Variants in COL5A3 observed in about 807,000 individuals in gnomAD.
COL5A3 encodes collagen alpha-3(V) chain.
Under a neutral mutation model 250.0 loss-of-function variants are expected in COL5A3, and 172 were observed. The observed-to-expected ratio is 0.69, with a 90% CI of 0.61 to 0.78. The LOEUF is 0.78. COL5A3 is among the 30% of genes least tolerant of loss of function. The pLI is 0.00. For synonymous variants in COL5A3, 937 were observed against 900.4 expected, an observed-to-expected ratio of 1.04 and a Z score of -0.73; for missense variants, 2,340 against 2,334.4, an observed-to-expected ratio of 1.00 and a Z score of -0.05.
chr19:9,973,437 G>T, intron 50 of COL5A3, 133 bp downstream of exon 50: 3 of 890,374 alleles, frequency 3.4e-6, no homozygotes, highest in Non-Finnish European at 5.2e-6. Flanking sequence ...CTTCCTCAAG[G>T]TAATCAGGGA....
At chr19:9,978,312 C>A (rs888689011) in intron 41 of COL5A3, among the ~76,000 whole-genome samples, 7 of 152,100 alleles carry the variant, frequency 4.6e-5, no homozygotes, top group Non-Finnish European at 7.4e-5. Context: ...CAACCTCCAC[C>A]TCCCAGGTTC....
In COL5A3 at chr19:10,001,811, A is replaced by G. The variant is rs2087367236; in HGVS notation, c.920T>C (p.Val307Ala). 2 of 1,613,974 alleles carry G rather than the reference A, an allele frequency of 1.2e-6. No homozygotes were observed. Among genetic ancestry groups the G allele is most frequent in the Admixed American group, 1.7e-5 (1 of 59,990 alleles). Reference sequence around the variant, plus strand: ...GAGTCCAGTAGTCACAGTGGAGGTGACGACCAAAGGCGTGGGGGTCGGAGG... The same window carrying G: ...GAGTCCAGTAGTCACAGTGGAGGTGGCGACCAAAGGCGTGGGGGTCGGAGG... ...NLPPTPTPLV[V>A]TSTVTTGLNA... Residue 307 changes from valine (V) to alanine (A), a missense_variant, in exon 7 of 67, where the codon GTC (valine) becomes GCC (alanine). Physicochemically the swap from Val to Ala is moderately conservative, Grantham distance 64 (BLOSUM62 0). This residue lies in a region of COL5A3 where 1,152 missense variants were observed against 1,146.3 expected (regional missense o/e 1.00). Transcript: ENST00000264828.
chr19:9,961,559 ATTT>A (rs61153479), intron 65 of COL5A3, among the ~76,000 whole-genome samples: 1 of 126,204 alleles, frequency 7.9e-6, no homozygotes. Context: ...ACTTCATTTA[ATTT>A]TTTTTTTTTT....
chr19:9,998,454 C>T (rs1369697620), intron 8 of COL5A3, among the ~76,000 whole-genome samples: 1 of 152,120 alleles, frequency 6.6e-6, no homozygotes, highest in Non-Finnish European at 1.5e-5. Context: ...TTAGTCAACC[C>T]CTATGGCCAC....
rs529042269 is a variant in COL5A3 at position 9,966,719 on chromosome 19, G to A, written c.4486C>T (p.Arg1496Cys). The change falls in exon 63 of 67, where the codon CGC becomes TGC. Residue 1496 changes from arginine (R) to cysteine (C), a missense_variant. Arg to Cys is a radical substitution (Grantham distance 180). Around this residue, in one of 3 missense-constraint regions of COL5A3, gnomAD observed 1,179 missense variants for 1,162.6 expected, o/e 1.01. Coordinates refer to ENST00000264828, the MANE Select transcript of COL5A3 (RefSeq NM_015719.4). ...PGAPAELHGL[R>C]RRRRFVPVPL... Reference sequence around the variant, plus strand: ...ACTGGGACGAAGCGCCGGCGCCTGCGCAGCCCATGCAGCTCGGCAGGGGCA... The same window carrying A: ...ACTGGGACGAAGCGCCGGCGCCTGCACAGCCCATGCAGCTCGGCAGGGGCA... 15 of 1,536,446 alleles carry A rather than the reference G, an allele frequency of 9.8e-6. 1 individual carries two copies. In the South Asian group the frequency reaches 1.8e-4, roughly 18 times the overall value.
Position 9,968,273 on chromosome 19 carries a change from CCA to C in COL5A3, c.4314+110_4314+111del. The C allele has an allele frequency of 9.5e-7, 1 of 1,050,050 alleles. No individual in the cohort carries two copies. Among genetic ancestry groups the C allele is most frequent in the Non-Finnish European group, 1.4e-6 (1 of 700,552 alleles). The allele number at this position is 1,050,050 out of a possible 1,614,324, so 65.0% of individuals were successfully genotyped here. ...TCCCAGATACATCCCCCTATTTTCCCCACACACACCCTCATTAATCCAGACCC... is the reference window on the plus strand; with the variant it reads ...TCCCAGATACATCCCCCTATTTTCCCCACACACCCTCATTAATCCAGACCC... On this transcript the variant is annotated intron_variant, in intron 59 of 66. Coordinates refer to ENST00000264828, the MANE Select transcript of COL5A3 (RefSeq NM_015719.4). This position sits in a 1 kb window ranked among gnomAD's most constrained non-coding sequence, Gnocchi z 4.1.
rs1455369965 is a variant in COL5A3, at chr19:9,990,528, T to C, written c.1993-1006A>G. 2.6e-5 allele frequency among the ~76,000 whole-genome samples: 4 copies of C among 152,164 alleles called. No individual in the cohort carries two copies. In the East Asian group the frequency reaches 7.7e-4, roughly 29 times the overall value. ...CAAAACATCTCATGTACTCCATAAG[T>C]ATATACCTACTATGTACCCACAAAG... On this transcript the variant is annotated intron_variant, in intron 24 of 66. Coordinates refer to ENST00000264828, the MANE Select transcript of COL5A3 (RefSeq NM_015719.4).
chr19:10,003,538 G>A lies in COL5A3; in HGVS notation c.849+27C>T, dbSNP rs759965746. ...GACCGGAAGTCAGGTGGTCAAAACCGGAAGTGAGAGGTCTCAGGGCCCTTA... is the reference window on the plus strand; with the variant it reads ...GACCGGAAGTCAGGTGGTCAAAACCAGAAGTGAGAGGTCTCAGGGCCCTTA... On this transcript the variant is annotated intron_variant, in intron 6 of 66. Transcript: ENST00000264828. 4.3e-6 allele frequency: 7 copies of A among 1,611,504 alleles called. No homozygotes were observed. In the African/African-American group the frequency reaches 5.3e-5, roughly 12 times the overall value.
chr19:10,003,660 C>T lies in COL5A3; in HGVS notation c.754G>A (p.Gly252Arg), dbSNP rs2087395798. 2 of 1,614,164 alleles carry T rather than the reference C, an allele frequency of 1.2e-6. No homozygotes were observed. Among genetic ancestry groups the T allele is most frequent in the East Asian group, 2.2e-5 (1 of 44,882 alleles). ...TTGCGACCTCGCCCTTTCTTCCTCC[C>T]TTTTCCCTTCCCCTTCCGCCGAGGA... is the stretch of plus-strand genomic sequence containing the variant. ...PRPRRKGKGK[G>R]RKKGRGRKGK... is the part of the protein sequence containing the mutation. The change falls in exon 6 of 67, where the codon GGG becomes AGG. Residue 252 changes from glycine (G) to arginine (R), a missense_variant. Coordinates refer to ENST00000264828, the MANE Select transcript of COL5A3 (RefSeq NM_015719.4).
chr19:9,964,076 G>T (rs979357826), intron 64 of COL5A3, among the ~76,000 whole-genome samples: 2 of 152,154 alleles, frequency 1.3e-5, no homozygotes, highest in African/African-American at 4.8e-5. Context: ...GGGAGGCTAA[G>T]GCAGGAGAAT....
Position 9,970,998 on chromosome 19 carries a change from C to G in COL5A3, c.3859G>C (p.Asp1287His). ...ACCGGTCCCCCAACATCACCAGGGT[C>G]TCCCTTCTCCCCTGGGGAACCATCT... Reference protein sequence around the residue: ...GIDGSPGEKGDPGDVGGPGPP... With the variant: ...GIDGSPGEKGHPGDVGGPGPP... The change falls in exon 53 of 67, where the codon GAC (aspartate) becomes CAC (histidine). Residue 1287 changes from aspartate to histidine, a missense_variant. This residue lies in a region of COL5A3 where 1,179 missense variants were observed against 1,162.6 expected (regional missense o/e 1.01). Coordinates refer to ENST00000264828, the MANE Select transcript of COL5A3 (RefSeq NM_015719.4). 6.4e-7 allele frequency: 1 copy of G among 1,559,034 alleles called. No homozygotes were observed.
In COL5A3 at chr19:9,970,636, G is replaced by GC; in HGVS notation, c.3921dup (p.Pro1308AlafsTer29). ...TTATCACTTACCCTCTTGCCGGGGG[G>GC]CCCGGGGGCGCCGGGCTCCCCAGAA... On this transcript the variant is annotated frameshift_variant, in exon 54 of 67. Coordinates refer to ENST00000264828, the MANE Select transcript of COL5A3 (RefSeq NM_015719.4). LOFTEE classifies it high-confidence loss of function. 2 of 1,453,280 alleles carry GC rather than the reference G, an allele frequency of 1.4e-6. No homozygotes were observed. The highest frequency in any genetic ancestry group is 3.1e-5 in the South Asian group (2 of 64,820). The allele number at this position is 1,453,280 out of a possible 1,614,324, so 90.0% of individuals were successfully genotyped here.
chr19:9,989,518 G>A lies in COL5A3; in HGVS notation c.1997C>T (p.Pro666Leu). Reference sequence around the variant, plus strand: ...GCCTGGAATTCCTGGGTTTCCAGGGGGACCCTGAAAGAAGATGAACAGCAG... The same window carrying A: ...GCCTGGAATTCCTGGGTTTCCAGGGAGACCCTGAAAGAAGATGAACAGCAG... Reference protein sequence around the residue: ...GLIGTPGEKGPPGNPGIPGLP... With the variant: ...GLIGTPGEKGLPGNPGIPGLP... The change falls in exon 25 of 67, where the codon CCC becomes CTC. Residue 666 changes from proline (P) to leucine (L), a missense_variant. By Grantham distance (98) the Pro-to-Leu change is moderately conservative (BLOSUM62 -3). Coordinates refer to ENST00000264828, the MANE Select transcript of COL5A3 (RefSeq NM_015719.4). 1 of 1,611,928 alleles carries A rather than the reference G, an allele frequency of 6.2e-7. No homozygotes were observed. The highest frequency in any genetic ancestry group is 8.5e-7 in the Non-Finnish European group (1 of 1,178,892).
At position 9,986,571 on chromosome 19, in the gene COL5A3, C is replaced by A; in HGVS notation, c.2226G>T (p.Val742=). ...EDGFPGFKGD[V]GLKGDQGKPG... is the part of the protein sequence containing the mutation. The stretch of plus-strand genomic sequence containing the variant: ...GTCTTACCTGATCACCTTTGAGCCC[C>A]ACATCGCCCTTGAAGCCTGGGAAGC... Residue 742 remains valine, a synonymous_variant, in exon 29 of 67, where the codon GTG becomes GTT. Transcript: ENST00000264828. 6.2e-7 allele frequency: 1 copy of A among 1,614,016 alleles called. No individual in the cohort carries two copies. Among genetic ancestry groups the A allele is most frequent in the South Asian group, 1.1e-5 (1 of 91,058 alleles).
At chr19:9,992,556 C>T (rs1470523210) in intron 21 of COL5A3, among the ~76,000 whole-genome samples, 4 of 152,046 alleles carry the variant, frequency 2.6e-5, no homozygotes, top group Non-Finnish European at 5.9e-5. Flanking sequence ...TTGGGAGGAC[C>T]ACTTGAGGCC....
intron 27 of COL5A3, among the ~76,000 whole-genome samples, chr19:9,987,665 G>A (rs2087119021): frequency 6.6e-6 from 1 of 152,110 alleles, no homozygotes; most frequent in Non-Finnish European, 1.5e-5. Flanking sequence ...TGGGAGGATT[G>A]ATTGAGCCTG....
chr19:10,001,946 C>T (rs748588679), intron 6 of COL5A3, 65 bp from the exon 7 acceptor site: 22 of 1,151,706 alleles, frequency 1.9e-5, no homozygotes, highest in Admixed American at 5.6e-5. Flanking sequence ...AGGGAGGCAC[C>T]CTCCCACTGT....
intron 31 of COL5A3, among the ~76,000 whole-genome samples, chr19:9,983,916 A>T (rs962425236): frequency 6.6e-6 from 1 of 151,948 alleles, no homozygotes; most frequent in Non-Finnish European, 1.5e-5. Context: ...GAAAAAATAA[A>T]AAAAAAAAAC....
At chr19:9,977,947 C>CATATATATATATATATATATATATAT (rs372091609) in intron 41 of COL5A3, among the ~76,000 whole-genome samples, 3 of 106,162 alleles carry the variant, frequency 2.8e-5, no homozygotes, top group African/African-American at 9.4e-5. Context: ...GCAGCCTATA[C>CATATATATATATATATATATATATAT]ATATATATAT....
Sources: allele counts gnomAD v4.1 joint callset (sites outside exome capture counted in the v4.1 genomes callset), GRCh38; gene constraint gnomAD v4.1.1; regional missense constraint gnomAD v4.1.1; non-coding constraint Gnocchi (gnomAD v3.1); transcripts MANE v1.5; gene names NCBI Gene and HGNC (gene_info 2026-07-23, HGNC 2026-07-21).